Variants in ROR2 observed in about 807,000 individuals in gnomAD.
ROR2 encodes the protein ROR family WNT receptor 2.
ROR2 carries 33 observed loss-of-function variants against 74.9 expected under a neutral mutation model. That is an observed-to-expected ratio of 0.44 (90% CI 0.33 to 0.59). The LOEUF (loss-of-function observed/expected upper bound fraction) is 0.59. Ranked by LOEUF, ROR2 falls within the 20% of genes least tolerant of loss-of-function variation. The pLI is 0.02. For missense variants in ROR2, 1,216 were observed against 1,313.8 expected, an observed-to-expected ratio of 0.93 and a Z score of 1.15; for synonymous variants, 586 against 558.7, an observed-to-expected ratio of 1.05 and a Z score of -0.69.
chr9:91,908,850 T>C (rs1830882322), intron 1 of ROR2, among the ~76,000 whole-genome samples: 1 of 152,118 alleles, frequency 6.6e-6, no homozygotes, highest in Admixed American at 6.6e-5. Context: ...GTAAACACCT[T>C]ATATTTTCAT....
chr9:91,844,705 G>A (rs772867637), intron 1 of ROR2, among the ~76,000 whole-genome samples: 1 of 152,136 alleles, frequency 6.6e-6, no homozygotes, highest in African/African-American at 2.4e-5. Context: ...GGTGTAATAG[G>A]TTCGTGGCTA....
rs542169199 is a variant in ROR2 at position 91,733,809 on chromosome 9, G to A, written c.623-373C>T. On this transcript the variant is annotated intron_variant, in intron 5 of 8. Transcript: ENST00000375708. The surrounding 1 kb of genome is among the most constrained non-coding windows in gnomAD (Gnocchi z 5.7). The stretch of plus-strand genomic sequence containing the variant: ...ATGCAAAAGCAGATCCTAAGGACCC[G>A]CCATGTGTGGAGAGCGCAGGCCAAG... Among the ~76,000 whole-genome samples, 3 of 152,304 alleles carry A rather than the reference G, an allele frequency of 2.0e-5. No individual in the cohort carries two copies. The South Asian group carries it at 6.2e-4, about 32-fold the overall frequency.
chr9:91,726,478 A>G (rs1837037752), intron 8 of ROR2, 63 bp downstream of exon 8: 3 of 1,433,768 alleles, frequency 2.1e-6, no homozygotes, highest in South Asian at 2.3e-5. Flanking sequence ...ATGTTGGGGG[A>G]AACAACCCCT....
At chr9:91,939,326 T>C (rs1831786131) in intron 1 of ROR2, among the ~76,000 whole-genome samples, 1 of 152,252 alleles carries the variant, frequency 6.6e-6, no homozygotes, top group Admixed American at 6.5e-5. Context: ...CCTGCACCAT[T>C]AATGCCATGC....
intron 2 of ROR2, 69 bp downstream of exon 2, chr9:91,775,662 TCAGGCAATGG>T: frequency 1.4e-6 from 2 of 1,393,710 alleles, no homozygotes; most frequent in Admixed American, 1.7e-5. Context: ...GCGCCTTCCT[TCAGGCAATGG>T]CAGTGCAAGA....
At chr9:91,949,002 C>G in intron 1 of ROR2, 1 of 905,798 alleles carries the variant, frequency 1.1e-6, no homozygotes, top group Non-Finnish European at 1.3e-6. Context: ...CTCTGCGCCC[C>G]GGATCCAAGC....
At chr9:91,787,766 G>A (rs1243378791) in intron 1 of ROR2, among the ~76,000 whole-genome samples, 1 of 152,044 alleles carries the variant, frequency 6.6e-6, no homozygotes, top group Non-Finnish European at 1.5e-5. Context: ...CACAAGACAT[G>A]CCAGGAAACA....
chr9:91,762,489 CT>C (rs1825943958), intron 2 of ROR2, among the ~76,000 whole-genome samples: 1 of 152,046 alleles, frequency 6.6e-6, no homozygotes, highest in Non-Finnish European at 1.5e-5. Flanking sequence ...ATGTTAAATG[CT>C]AAAATGCTGC....
Position 91,905,636 on chromosome 9 carries a change from A to G in ROR2, c.97+44231T>C. Among the ~76,000 whole-genome samples, 1 of 151,644 alleles carries G rather than the reference A, an allele frequency of 6.6e-6. No individual in the cohort carries two copies. Among genetic ancestry groups the G allele is most frequent in the Admixed American group, 6.6e-5 (1 of 15,220 alleles). ...ATATACAGATGCCCCCAACACACAT[A>G]AACACACATAACACACACGTACACC... On this transcript the variant is annotated intron_variant, in intron 1 of 8. Transcript: ENST00000375708. The surrounding 1 kb of genome is among the most constrained non-coding windows in gnomAD (Gnocchi z 5.3).
chr9:91,940,512 C>T (rs1460293985), intron 1 of ROR2, among the ~76,000 whole-genome samples: 2 of 152,104 alleles, frequency 1.3e-5, no homozygotes, highest in African/African-American at 4.8e-5. Flanking sequence ...CAATGAAATG[C>T]TGTCTGGCCT....
chr9:91,816,696 A>G (rs547678050), intron 1 of ROR2, among the ~76,000 whole-genome samples: 6 of 40,702 alleles, frequency 1.5e-4, no homozygotes, highest in East Asian at 2.3e-3. Context: ...CCACCCCCCC[A>G]CCCCCCCAAC....
At chr9:91,933,364 G>A (rs1218364337) in intron 1 of ROR2, among the ~76,000 whole-genome samples, 1 of 151,598 alleles carries the variant, frequency 6.6e-6, no homozygotes, top group East Asian at 1.9e-4. Context: ...TGGCTCTACA[G>A]ATACTCACAG....
At chr9:91,726,516 G>T in intron 8 of ROR2, 25 bp downstream of exon 8, 1 of 1,607,106 alleles carries the variant, frequency 6.2e-7, no homozygotes, top group Non-Finnish European at 8.5e-7. Flanking sequence ...GAGCCACCCG[G>T]GTAGAAAATG....
At chr9:91,730,791 AG>A in intron 7 of ROR2, 118 bp downstream of exon 7, 1 of 1,323,782 alleles carries the variant, frequency 7.6e-7, no homozygotes, top group Non-Finnish European at 1.1e-6. Context: ...TGGTAAGATC[AG>A]GGGTCTCTGG....
At chr9:91,864,674 C>T (rs1829575976) in intron 1 of ROR2, among the ~76,000 whole-genome samples, 2 of 152,214 alleles carry the variant, frequency 1.3e-5, no homozygotes, top group South Asian at 4.1e-4. Context: ...GAATCAACTG[C>T]TTCCCACGTC....
intron 2 of ROR2, among the ~76,000 whole-genome samples, chr9:91,765,579 TCC>T (rs551061717): frequency 3.3e-4 from 51 of 152,346 alleles, no homozygotes; most frequent in African/African-American, 9.9e-4. Flanking sequence ...GAGATGCCAG[TCC>T]CAACTGATTT....
intron 1 of ROR2, among the ~76,000 whole-genome samples, chr9:91,904,878 G>A (rs1363653881): frequency 2.0e-5 from 3 of 151,940 alleles, no homozygotes; most frequent in Non-Finnish European, 4.4e-5. Flanking sequence ...ACCTGGGACG[G>A]CTCCAAGGTG....
intron 1 of ROR2, among the ~76,000 whole-genome samples, chr9:91,779,381 TTTTTTC>T (rs1307514658): frequency 3.7e-5 from 5 of 134,562 alleles, no homozygotes; most frequent in East Asian, 2.0e-4. Flanking sequence ...TTTTTTTTTT[TTTTTTC>T]GAGACAGAGT....
chr9:91,788,985 G>A (rs1157685734), intron 1 of ROR2, among the ~76,000 whole-genome samples: 1 of 152,158 alleles, frequency 6.6e-6, no homozygotes, highest in Non-Finnish European at 1.5e-5. Context: ...GTAGGGGAAG[G>A]AGAAGAAAGG....
Sources: allele counts gnomAD v4.1 joint callset (sites outside exome capture counted in the v4.1 genomes callset), GRCh38; gene constraint gnomAD v4.1.1; non-coding constraint Gnocchi (gnomAD v3.1); transcripts MANE v1.5; gene names NCBI Gene and HGNC (gene_info 2026-07-23, HGNC 2026-07-21).